Variants in PRRX2 observed in about 807,000 individuals in gnomAD.
PRRX2 encodes paired mesoderm homeobox protein 2.
Under a neutral mutation model 18.0 loss-of-function variants are expected in PRRX2, and 11 were observed. The observed-to-expected ratio is 0.61, with a 90% confidence interval of 0.39 to 1.01. PRRX2 has a LOEUF of 1.01. Ranked by LOEUF, PRRX2 falls within the 50% of genes least tolerant of loss-of-function variation. The pLI, the probability that PRRX2 is intolerant of heterozygous loss-of-function variation, is 0.01. For missense variants in PRRX2, 387 were observed against 351.0 expected (o/e 1.10, Z -0.82); for synonymous variants, 177 against 154.8 (o/e 1.14, Z -1.06).
rs570572781 is a variant in PRRX2 at position 129,709,582 on chromosome 9, C to T, written c.260-9649C>T. Reference sequence around the variant, plus strand: ...CCGGGGAAGCCATGGGATGGGGCCCCCTGGGGACCTGTCTGACTCCTCGGG... The same window carrying T: ...CCGGGGAAGCCATGGGATGGGGCCCTCTGGGGACCTGTCTGACTCCTCGGG... On this transcript the variant is annotated intron_variant, in intron 1 of 3. Transcript: ENST00000372469. The surrounding 1 kb of genome is among the most constrained non-coding windows in gnomAD (Gnocchi z 4.2). Among the ~76,000 whole-genome samples the T allele has an allele frequency of 2.0e-5, 3 of 152,346 alleles. No homozygotes were observed. Among genetic ancestry groups the T allele is most frequent in the Non-Finnish European group, 2.9e-5 (2 of 68,028 alleles).
intron 1 of PRRX2, among the ~76,000 whole-genome samples, chr9:129,668,778 CAAAAAAAAAAA>C (rs562855941): frequency 1.7e-5 from 1 of 58,670 alleles, no homozygotes; most frequent in Non-Finnish European, 3.5e-5. Context: ...GACTCCATCT[CAAAAAAAAAAA>C]AAAAAAAAAG....
At chr9:129,706,145 T>C (rs534181842) in intron 1 of PRRX2, among the ~76,000 whole-genome samples, 16 of 152,266 alleles carry the variant, frequency 1.1e-4, no homozygotes, top group African/African-American at 3.1e-4. Flanking sequence ...CAATCACCCA[T>C]TTAAAGTGCA....
chr9:129,696,144 C>T lies in PRRX2; in HGVS notation c.260-23087C>T, dbSNP rs950834158. On this transcript the variant is annotated intron_variant, in intron 1 of 3. Transcript: ENST00000372469. ...GGAGAGAAAGGGAGGAAGACAAAACCCACCTCCACTCACCAACTGGCTAAG... is the reference window on the plus strand; with the variant it reads ...GGAGAGAAAGGGAGGAAGACAAAACTCACCTCCACTCACCAACTGGCTAAG... 9.5e-4 allele frequency among the ~76,000 whole-genome samples: 145 copies of T among 151,868 alleles called. 1 individual carries two copies. The highest frequency in any genetic ancestry group is 3.4e-4 in the Non-Finnish European group (23 of 67,982).
chr9:129,707,636 C>T, intron 1 of PRRX2, among the ~76,000 whole-genome samples: 1 of 152,098 alleles, frequency 6.6e-6, no homozygotes, highest in East Asian at 1.9e-4. Flanking sequence ...ACTAAAAATA[C>T]AAAAATTAAC....
intron 1 of PRRX2, among the ~76,000 whole-genome samples, chr9:129,687,022 C>T (rs1032122637): frequency 2.0e-5 from 3 of 152,080 alleles, no homozygotes; most frequent in Non-Finnish European, 4.4e-5. Context: ...CAGCCACCTG[C>T]AGGGAAGCCC....
intron 1 of PRRX2, among the ~76,000 whole-genome samples, chr9:129,669,317 C>T (rs552082069): frequency 1.3e-5 from 2 of 152,348 alleles, no homozygotes; most frequent in South Asian, 4.1e-4. Flanking sequence ...GTTCCTTCCT[C>T]GCCAGTCAAA....
intron 1 of PRRX2, among the ~76,000 whole-genome samples, chr9:129,678,396 A>G (rs71499475): frequency 0.043 from 6,587 of 152,290 alleles, 167 homozygotes; most frequent in African/African-American, 0.078. Flanking sequence ...GGCCAGGCAC[A>G]GGGGCCCCTG....
At chr9:129,693,991 G>C (rs1263173464) in intron 1 of PRRX2, among the ~76,000 whole-genome samples, 1 of 152,148 alleles carries the variant, frequency 6.6e-6, no homozygotes, top group African/African-American at 2.4e-5. Context: ...GTCCTTGCTT[G>C]GGGTTTTTCT....
At position 129,714,797 on chromosome 9, in the gene PRRX2, C is replaced by T. The variant is rs532610741; in HGVS notation, c.260-4434C>T. ...AGGTTTGAATTGCTCAGAAACTTCC[C>T]GAAAATGTCTCCTTTTTTGGCTGAA... On this transcript the variant is annotated intron_variant, in intron 1 of 3. Coordinates refer to ENST00000372469, the MANE Select transcript of PRRX2 (RefSeq NM_016307.4). Among the ~76,000 whole-genome samples, 7 of 152,250 alleles carry T rather than the reference C, an allele frequency of 4.6e-5. No homozygotes were observed. The South Asian group carries it at 8.3e-4, about 18-fold the overall frequency.
At chr9:129,668,831 C>A in intron 1 of PRRX2, among the ~76,000 whole-genome samples, 1 of 147,894 alleles carries the variant, frequency 6.8e-6, no homozygotes, top group African/African-American at 2.5e-5. Context: ...GAGATGGCAC[C>A]AAAGAGGGAG....
At position 129,719,218 on chromosome 9, in the gene PRRX2, C is replaced by A. The variant is rs371032092; in HGVS notation, c.260-13C>A. ...CCGTCCTGCTGACCATCCCGCCCCC[C>A]CAACCTCCGCAGGTGAGTGTCCCAG... On this transcript the variant is annotated splice_polypyrimidine_tract_variant and intron_variant, in intron 1 of 3. Transcript: ENST00000372469. 1.9e-5 allele frequency: 29 copies of A among 1,558,138 alleles called. No homozygotes were observed. The highest frequency in any genetic ancestry group is 3.4e-4 in the Middle Eastern group (2 of 5,822).
rs1832694955 is a variant in PRRX2 at position 129,715,680 on chromosome 9, T to G, written c.260-3551T>G. The stretch of plus-strand genomic sequence containing the variant: ...CTTCCCCAGTCCTAACGATCAAAAA[T>G]GTCTCACAGGGGCAAAATTGCCCTC... On this transcript the variant is annotated intron_variant, in intron 1 of 3. Coordinates refer to ENST00000372469, the MANE Select transcript of PRRX2 (RefSeq NM_016307.4). The surrounding 1 kb of genome is among the most constrained non-coding windows in gnomAD (Gnocchi z 4.0). 6.6e-6 allele frequency among the ~76,000 whole-genome samples: 1 copy of G among 151,764 alleles called. No individual in the cohort carries two copies. Among genetic ancestry groups the G allele is most frequent in the Admixed American group, 6.6e-5 (1 of 15,194 alleles).
chr9:129,713,073 G>C (rs1020518669), intron 1 of PRRX2: 12 of 152,212 alleles, frequency 7.9e-5, no homozygotes, highest in African/African-American at 2.7e-4. Context: ...CAGAGCCCCC[G>C]GCTAAGTCCA....
At chr9:129,704,828 C>G (rs1479029882) in intron 1 of PRRX2, among the ~76,000 whole-genome samples, 2 of 152,174 alleles carry the variant, frequency 1.3e-5, no homozygotes, top group East Asian at 3.9e-4. Flanking sequence ...CATCTTTGTG[C>G]CTGGGCCCCA....
Position 129,665,848 on chromosome 9 carries a change from C to A in PRRX2, c.-20C>A. 14 of 1,036,334 alleles carry A rather than the reference C, an allele frequency of 1.4e-5. No homozygotes were observed. The highest frequency in any genetic ancestry group is 1.6e-5 in the Non-Finnish European group (14 of 866,324). The allele number at this position is 1,036,334 out of a possible 1,614,324, so 64.2% of individuals were successfully genotyped here. ...CCGAGCCCGAGACCCCCGCCGGCCCCCCCGGGGCCGCTCGCGGGCATGGAC... is the reference window on the plus strand; with the variant it reads ...CCGAGCCCGAGACCCCCGCCGGCCCACCCGGGGCCGCTCGCGGGCATGGAC... On this transcript the variant is annotated 5_prime_UTR_variant, in exon 1 of 4. Coordinates refer to ENST00000372469, the MANE Select transcript of PRRX2 (RefSeq NM_016307.4). The surrounding 1 kb of genome is among the most constrained non-coding windows in gnomAD (Gnocchi z 5.3).
At chr9:129,693,977 C>T (rs1482316411) in intron 1 of PRRX2, among the ~76,000 whole-genome samples, 1 of 152,164 alleles carries the variant, frequency 6.6e-6, no homozygotes, top group African/African-American at 2.4e-5. Flanking sequence ...GGAGTGAAGG[C>T]AGAGTCCTTG....
intron 1 of PRRX2, among the ~76,000 whole-genome samples, chr9:129,701,216 G>T (rs576040686): frequency 6.6e-6 from 1 of 152,342 alleles, no homozygotes; most frequent in South Asian, 2.1e-4. Context: ...AGAGCAGAGG[G>T]TTTAGGATGG....
At chr9:129,697,850 A>G (rs1266381907) in intron 1 of PRRX2, among the ~76,000 whole-genome samples, 1 of 151,770 alleles carries the variant, frequency 6.6e-6, no homozygotes, top group Non-Finnish European at 1.5e-5. Flanking sequence ...TGTTTTCCTA[A>G]GTTTGTGCGT....
chr9:129,709,159 A>G lies in PRRX2; in HGVS notation c.260-10072A>G, dbSNP rs1464560677. ...GGGAAGGGTGCCCTAGCTAGAGGGA[A>G]CAGCAGATACCAAGGCCCAGAGGTG... On this transcript the variant is annotated intron_variant, in intron 1 of 3. Coordinates refer to ENST00000372469, the MANE Select transcript of PRRX2 (RefSeq NM_016307.4). This position sits in a 1 kb window ranked among gnomAD's most constrained non-coding sequence, Gnocchi z 4.2. Among the ~76,000 whole-genome samples the G allele has an allele frequency of 1.3e-5, 2 of 152,086 alleles. No homozygotes were observed. Among genetic ancestry groups the G allele is most frequent in the Non-Finnish European group, 2.9e-5 (2 of 68,002 alleles).
Sources: gnomAD v4.1 joint callset for allele counts (sites outside exome capture counted in the v4.1 genomes callset) on GRCh38, gnomAD v4.1.1 for gene constraint, Gnocchi (gnomAD v3.1) non-coding constraint, MANE v1.5 for transcripts, NCBI Gene and HGNC (gene_info 2026-07-23, HGNC 2026-07-21) for gene names.